Variants in NTRK3 observed in about 807,000 individuals in gnomAD.
NTRK3 encodes the protein NT-3 growth factor receptor.
A neutral mutation model predicts 91.7 loss-of-function variants in NTRK3; 24 were observed. That is an observed-to-expected ratio of 0.26 (90% CI 0.19 to 0.37). NTRK3 has a LOEUF of 0.37. Ranked by LOEUF, NTRK3 falls within the 10% of genes least tolerant of loss-of-function variation. The probability of loss-of-function intolerance (pLI) is 1.00; values close to 1 mark genes in which losing one functional copy is unlikely to be tolerated. For synonymous variants in NTRK3, 483 were observed against 404.0 expected, an observed-to-expected ratio of 1.20 and a Z score of -2.34; for missense variants, 880 against 1,068.9, an observed-to-expected ratio of 0.82 and a Z score of 2.46.
chr15:88,086,134 A>G (rs910599329), intron 13 of NTRK3, among the ~76,000 whole-genome samples: 1 of 152,224 alleles, frequency 6.6e-6, no homozygotes, highest in Non-Finnish European at 1.5e-5. Flanking sequence ...TTCTCTAGAG[A>G]GGACTCTGCC....
At chr15:88,111,291 G>A (rs932064895) in intron 13 of NTRK3, among the ~76,000 whole-genome samples, 1 of 152,166 alleles carries the variant, frequency 6.6e-6, no homozygotes. Flanking sequence ...CTACCAGGAG[G>A]TGTTATGTTG....
chr15:87,863,760 A>C (rs1054536265), exon 19 of NTRK3: 1 of 229,616 alleles, frequency 4.4e-6, no homozygotes, highest in African/African-American at 2.2e-5. Context: ...TGCAGACAAT[A>C]ATTTATATGG....
At chr15:88,093,306 G>A (rs2049214436) in intron 13 of NTRK3, among the ~76,000 whole-genome samples, 1 of 152,160 alleles carries the variant, frequency 6.6e-6, no homozygotes, top group African/African-American at 2.4e-5. Context: ...GAAAAAAAGG[G>A]AGGGGGGAAG....
At chr15:88,056,679 G>T (rs186480011) in intron 13 of NTRK3, among the ~76,000 whole-genome samples, 1 of 152,174 alleles carries the variant, frequency 6.6e-6, no homozygotes, top group African/African-American at 2.4e-5. Context: ...GCATGGTTCC[G>T]CATGGTCTGA....
intron 13 of NTRK3, among the ~76,000 whole-genome samples, chr15:88,116,413 C>T (rs554052722): frequency 2.2e-3 from 329 of 150,724 alleles, no homozygotes; most frequent in Non-Finnish European, 4.0e-3. Context: ...GGTGAAACCC[C>T]GTATCTACTA....
intron 13 of NTRK3, among the ~76,000 whole-genome samples, chr15:88,090,591 C>T (rs943261922): frequency 3.3e-5 from 5 of 152,072 alleles, no homozygotes; most frequent in South Asian, 4.1e-4. Context: ...CAGAAATGAC[C>T]GTGACAGCTG....
chr15:87,939,413 A>G (rs554213250), intron 15 of NTRK3, among the ~76,000 whole-genome samples: 1 of 152,314 alleles, frequency 6.6e-6, no homozygotes, highest in Admixed American at 6.5e-5. Context: ...TGTTTTGTGA[A>G]ATGTCCCAAA....
intron 14 of NTRK3, among the ~76,000 whole-genome samples, chr15:87,973,492 G>C (rs1456747525): frequency 6.6e-6 from 1 of 152,226 alleles, no homozygotes; most frequent in African/African-American, 2.4e-5. Context: ...GAAATATACT[G>C]TCAGATCTAG....
intron 14 of NTRK3, among the ~76,000 whole-genome samples, chr15:87,988,969 G>A (rs1451578490): frequency 6.6e-6 from 1 of 151,858 alleles, no homozygotes; most frequent in East Asian, 1.9e-4. Flanking sequence ...CCAGGCTGGG[G>A]TGCAGTGGTG....
intron 6 of NTRK3, among the ~76,000 whole-genome samples, chr15:88,139,247 A>G (rs1053296020): frequency 8.5e-5 from 13 of 152,314 alleles, no homozygotes; most frequent in African/African-American, 3.1e-4. Context: ...TAAGGAGACA[A>G]TGAACAGCAT....
chr15:87,991,265 A>G (rs1327266940), intron 14 of NTRK3, among the ~76,000 whole-genome samples: 1 of 152,176 alleles, frequency 6.6e-6, no homozygotes, highest in Non-Finnish European at 1.5e-5. Flanking sequence ...TTTGGATCTC[A>G]GACTGACAGC....
intron 17 of NTRK3, among the ~76,000 whole-genome samples, chr15:87,917,821 G>T (rs767388608): frequency 5.9e-5 from 9 of 152,132 alleles, no homozygotes; most frequent in Non-Finnish European, 1.0e-4. Flanking sequence ...ATGATTGGAA[G>T]CTTCCTGAGG....
intron 17 of NTRK3, among the ~76,000 whole-genome samples, chr15:87,907,323 C>T (rs1170032200): frequency 6.6e-6 from 1 of 152,140 alleles, no homozygotes. Flanking sequence ...AATACCCTAG[C>T]TATACACACT....
At chr15:87,936,122 TG>T (rs975433238) in intron 15 of NTRK3, among the ~76,000 whole-genome samples, 9 of 152,160 alleles carry the variant, frequency 5.9e-5, no homozygotes, top group African/African-American at 2.2e-4. Context: ...TCTTCATGTC[TG>T]GGAAACCTCA....
At chr15:88,194,318 T>C (rs1250471051) in intron 3 of NTRK3, among the ~76,000 whole-genome samples, 1 of 152,266 alleles carries the variant, frequency 6.6e-6, no homozygotes, top group Non-Finnish European at 1.5e-5. Flanking sequence ...CCAAGTGCTC[T>C]GCTCTGAGCG....
chr15:87,980,379 CTGTTTGCATGTG>C (rs1307715316), intron 14 of NTRK3, among the ~76,000 whole-genome samples: 3 of 151,162 alleles, frequency 2.0e-5, no homozygotes, highest in Non-Finnish European at 4.4e-5. Flanking sequence ...ATGTGTGTAT[CTGTTTGCATGTG>C]TGTTTGCATG....
intron 13 of NTRK3, among the ~76,000 whole-genome samples, chr15:88,067,948 T>C (rs1262923947): frequency 6.6e-6 from 1 of 152,196 alleles, no homozygotes. Context: ...TTGTTATACC[T>C]TTTACAGCAG....
chr15:88,148,886 T>C (rs1022117979), intron 5 of NTRK3, among the ~76,000 whole-genome samples: 21 of 152,136 alleles, frequency 1.4e-4, no homozygotes, highest in Non-Finnish European at 2.8e-4. Context: ...AGGATTTCTA[T>C]TGGATTGGAT....
At chr15:88,005,004 G>A (rs144476015) in intron 14 of NTRK3, among the ~76,000 whole-genome samples, 15 of 152,248 alleles carry the variant, frequency 9.9e-5, no homozygotes, top group African/African-American at 3.4e-4. Context: ...AGAAAAATGA[G>A]GCCTAGAGAG....
Sources: allele counts gnomAD v4.1 joint callset (sites outside exome capture counted in the v4.1 genomes callset), GRCh38; gene constraint gnomAD v4.1.1; transcripts MANE v1.5; gene names NCBI Gene and HGNC (gene_info 2026-07-23, HGNC 2026-07-21).